Variants in PARVB observed in about 807,000 individuals in gnomAD.
The protein encoded by PARVB is parvin beta, also known as beta-parvin.
Under a neutral mutation model 47.0 loss-of-function variants are expected in PARVB, and 46 were observed. The ratio of observed to expected loss-of-function variants is 0.98; its 90% CI spans 0.77 to 1.25. PARVB has a LOEUF of 1.25. Among genes scored for constraint, PARVB ranks in the 50% most tolerant of loss-of-function variants. PARVB has a pLI of 0.00. For missense variants in PARVB, 473 were observed against 471.6 expected, an observed-to-expected ratio of 1.00 and a Z score of -0.03; for synonymous variants, 196 against 196.3, an observed-to-expected ratio of 1.00 and a Z score of 0.01.
intron 11 of PARVB, among the ~76,000 whole-genome samples, chr22:44,163,434 C>T (rs376359477): frequency 3.9e-5 from 6 of 152,106 alleles, no homozygotes; most frequent in East Asian, 1.9e-4. Flanking sequence ...GCTGAGATCT[C>T]GCCACTGTGC....
intron 1 of PARVB, among the ~76,000 whole-genome samples, chr22:44,065,865 G>GCA (rs1441221095): frequency 2.6e-5 from 4 of 151,888 alleles, no homozygotes; most frequent in South Asian, 4.2e-4. Context: ...GTGCATGTGT[G>GCA]TGTGTGTGTG....
At chr22:44,098,027 G>A (rs1217266610) in intron 2 of PARVB, among the ~76,000 whole-genome samples, 6 of 152,186 alleles carry the variant, frequency 3.9e-5, no homozygotes, top group Admixed American at 1.3e-4. Context: ...AGGGAGCAGC[G>A]AGTTCCCTGT....
At chr22:44,122,590 G>GAC (rs2053093874) in intron 4 of PARVB, among the ~76,000 whole-genome samples, 5 of 143,042 alleles carry the variant, frequency 3.5e-5, no homozygotes, top group African/African-American at 1.3e-4. Context: ...GAGAGAGAGA[G>GAC]AGAGAGAGAG....
intron 12 of PARVB, among the ~76,000 whole-genome samples, chr22:44,164,209 G>T (rs1393139592): frequency 2.0e-5 from 3 of 152,214 alleles, no homozygotes; most frequent in Non-Finnish European, 4.4e-5. Context: ...TGCGTCTCTA[G>T]CTGGCCACTC....
intron 1 of PARVB, among the ~76,000 whole-genome samples, chr22:44,046,097 T>C (rs1569073941): frequency 6.6e-6 from 1 of 152,196 alleles, no homozygotes; most frequent in Non-Finnish European, 1.5e-5. Flanking sequence ...CTTCGCAATG[T>C]TTTGTGGTTT....
At chr22:44,164,119 G>C (rs1353035410) in intron 12 of PARVB, among the ~76,000 whole-genome samples, 189 bp downstream of exon 12, 1 of 152,238 alleles carries the variant, frequency 6.6e-6, no homozygotes, top group African/African-American at 2.4e-5. Flanking sequence ...GACTTCGCTG[G>C]TGGAGCTGGC....
Position 44,064,581 on chromosome 22 carries a change from A to G in PARVB, c.113-29347A>G, listed in dbSNP as rs540065173. On this transcript the variant is annotated intron_variant, in intron 1 of 12. Coordinates refer to ENST00000338758, the MANE Select transcript of PARVB (RefSeq NM_013327.5). The stretch of plus-strand genomic sequence containing the variant: ...AGGTAATTATATGTGGTTCCTACCT[A>G]TAATCCCAGCACTTTGGGAGGCAGA... Among the ~76,000 whole-genome samples the G allele has an allele frequency of 4.6e-5, 7 of 152,304 alleles. No homozygotes were observed. In the South Asian group the frequency reaches 1.5e-3, roughly 32 times the overall value.
upstream of PARVB, among the ~76,000 whole-genome samples, chr22:44,023,547 TAAAATAAAATAAAA>T (rs1345863656): frequency 1.5e-3 from 148 of 99,540 alleles, no homozygotes; most frequent in Middle Eastern, 9.4e-3. Flanking sequence ...CAAAATAAAA[TAAAATAAAATAAAA>T]TAAAATAAAA....
chr22:44,157,928 A>G, intron 10 of PARVB, 54 bp from the exon 11 acceptor site: 2 of 1,307,136 alleles, frequency 1.5e-6, no homozygotes, highest in Middle Eastern at 1.8e-4. Flanking sequence ...GTTTGTGCAA[A>G]GCATTTGCCA....
chr22:44,034,756 G>A (rs1447889999), intron 1 of PARVB, among the ~76,000 whole-genome samples: 2 of 145,342 alleles, frequency 1.4e-5, no homozygotes, highest in Admixed American at 1.4e-4. Context: ...TTGTCACTAG[G>A]CTGGAGTGCA....
intron 1 of PARVB, among the ~76,000 whole-genome samples, chr22:44,080,265 C>T (rs559566981): frequency 8.5e-5 from 13 of 152,298 alleles, no homozygotes; most frequent in African/African-American, 3.1e-4. Context: ...TACCACAAAC[C>T]CAGTGGTTTA....
intron 2 of PARVB, among the ~76,000 whole-genome samples, chr22:44,000,774 C>T (rs1569042035): frequency 1.3e-5 from 2 of 152,212 alleles, no homozygotes; most frequent in African/African-American, 2.4e-5. Context: ...GAATCTGAAA[C>T]CCCGTCTATG....
At position 44,068,316 on chromosome 22, in the gene PARVB, G is replaced by A. The variant is rs1297094462; in HGVS notation, c.113-25612G>A. 1.3e-5 allele frequency among the ~76,000 whole-genome samples: 2 copies of A among 152,198 alleles called. No individual in the cohort carries two copies. The highest frequency in any genetic ancestry group is 4.8e-5 in the African/African-American group (2 of 41,458). On this transcript the variant is annotated intron_variant, in intron 1 of 12. Coordinates refer to ENST00000338758, the MANE Select transcript of PARVB (RefSeq NM_013327.5). This position sits in a 1 kb window ranked among gnomAD's most constrained non-coding sequence, Gnocchi z 4.1. ...CCCCTTTTTACCGACGAGGAACCCAGACCAGACAGAGAGCCCGCCTGTGTC... is the reference window on the plus strand; with the variant it reads ...CCCCTTTTTACCGACGAGGAACCCAAACCAGACAGAGAGCCCGCCTGTGTC...
At chr22:44,132,834 T>C (rs1192114556) in intron 5 of PARVB, 60 bp from the exon 6 acceptor site, 1 of 1,110,104 alleles carries the variant, frequency 9.0e-7, no homozygotes, top group African/African-American at 1.5e-5. Flanking sequence ...CTTCTGCACG[T>C]GGGCTCAGGT....
intron 3 of PARVB, chr22:44,107,462 G>T (rs182723064): frequency 2.6e-5 from 4 of 152,214 alleles, no homozygotes; most frequent in Non-Finnish European, 4.4e-5. Flanking sequence ...TTCTTAGCAC[G>T]TAGCGCCTAA....
chr22:44,084,494 G>T (rs887191100), intron 1 of PARVB, among the ~76,000 whole-genome samples: 17 of 152,214 alleles, frequency 1.1e-4, no homozygotes, highest in African/African-American at 4.1e-4. Flanking sequence ...TGGCCATCCT[G>T]GTGAGAAAGC....
intron 1 of PARVB, among the ~76,000 whole-genome samples, chr22:44,054,569 G>A (rs12170557): frequency 0.027 from 4,170 of 152,276 alleles, 99 homozygotes; most frequent in Non-Finnish European, 0.045. Flanking sequence ...GCAGGGGTTG[G>A]GGGCTGGGCA....
chr22:44,015,007 T>C (rs1483424022), intron 2 of PARVB, among the ~76,000 whole-genome samples: 1 of 152,090 alleles, frequency 6.6e-6, no homozygotes, highest in Admixed American at 6.6e-5. Flanking sequence ...CCCGCCACCA[T>C]GCCTGGCTAA....
chr22:44,157,614 C>A (rs2053963041), intron 10 of PARVB, among the ~76,000 whole-genome samples: 1 of 151,968 alleles, frequency 6.6e-6, no homozygotes, highest in South Asian at 2.1e-4. Flanking sequence ...TACAGTGGCT[C>A]CCACCCGTAA....
Sources: gnomAD v4.1 joint callset for allele counts (sites outside exome capture counted in the v4.1 genomes callset) on GRCh38, gnomAD v4.1.1 for gene constraint, Gnocchi (gnomAD v3.1) non-coding constraint, MANE v1.5 for transcripts, NCBI Gene and HGNC (gene_info 2026-07-23, HGNC 2026-07-21) for gene names.